IQGAP2: variants seen among roughly 807,000 people sequenced by gnomAD.
IQGAP2 encodes the protein ras GTPase-activating-like protein IQGAP2.
Under a neutral mutation model 201.3 loss-of-function variants are expected in IQGAP2, and 173 were observed. The observed-to-expected ratio is 0.86, with a 90% CI of 0.76 to 0.98. IQGAP2 has a LOEUF of 0.98. IQGAP2 is among the 50% of genes least tolerant of loss of function. The pLI is 0.00. For missense variants in IQGAP2, 1,687 were observed against 1,864.8 expected (o/e 0.90, Z 1.76); for synonymous variants, 675 against 673.9 (o/e 1.00, Z -0.03).
chr5:76,542,410 C>T (rs1313396119), intron 2 of IQGAP2, among the ~76,000 whole-genome samples: 1 of 152,224 alleles, frequency 6.6e-6, no homozygotes, highest in East Asian at 1.9e-4. Flanking sequence ...TTGCTTACAG[C>T]CCCCACCCAG....
intron 12 of IQGAP2, among the ~76,000 whole-genome samples, chr5:76,610,699 CATTT>C (rs1748321282): frequency 6.6e-6 from 1 of 152,040 alleles, no homozygotes; most frequent in South Asian, 2.1e-4. Context: ...TGGCTCTTTT[CATTT>C]ATTTGTCTTT....
intron 15 of IQGAP2, among the ~76,000 whole-genome samples, chr5:76,636,817 C>T (rs567214026): frequency 6.6e-6 from 1 of 152,322 alleles, no homozygotes; most frequent in East Asian, 1.9e-4. Context: ...CCAGAGCTAG[C>T]CTTAGATATT....
In IQGAP2 at chr5:76,654,189, A is replaced by G; in HGVS notation, c.2179-11A>G. 6.3e-7 allele frequency: 1 copy of G among 1,590,652 alleles called. No individual in the cohort carries two copies. The highest frequency in any genetic ancestry group is 1.7e-5 in the Admixed American group (1 of 58,142). ...TTTTGTTGTACTTTTCTATTTTTTA[A>G]AACCTTTCAGATTCAGTCCTGGTTC... On this transcript the variant is annotated splice_polypyrimidine_tract_variant and intron_variant, in intron 18 of 35. Transcript: ENST00000274364.
intron 30 of IQGAP2, among the ~76,000 whole-genome samples, chr5:76,689,888 T>A (rs1410888888): frequency 6.6e-6 from 1 of 152,146 alleles, no homozygotes; most frequent in Non-Finnish European, 1.5e-5. Context: ...CTACTGGTAA[T>A]AATAGATACC....
intron 22 of IQGAP2, among the ~76,000 whole-genome samples, chr5:76,665,378 G>A (rs1238078558): frequency 6.6e-6 from 1 of 152,202 alleles, no homozygotes; most frequent in Non-Finnish European, 1.5e-5. Flanking sequence ...GTGAGAGAAT[G>A]AGTACTGTTG....
intron 30 of IQGAP2, among the ~76,000 whole-genome samples, chr5:76,690,009 T>C (rs940307761): frequency 1.3e-5 from 2 of 152,124 alleles, no homozygotes; most frequent in Non-Finnish European, 2.9e-5. Flanking sequence ...AACTCCCTGG[T>C]GTATTTCTTT....
At chr5:76,671,436 C>G (rs1242548738) in intron 23 of IQGAP2, among the ~76,000 whole-genome samples, 1 of 151,934 alleles carries the variant, frequency 6.6e-6, no homozygotes, top group Non-Finnish European at 1.5e-5. Context: ...GTATTTCCAG[C>G]ACTTTGGGAG....
chr5:76,682,354 A>G (rs1745378082), intron 28 of IQGAP2, among the ~76,000 whole-genome samples: 1 of 152,136 alleles, frequency 6.6e-6, no homozygotes, highest in African/African-American at 2.4e-5. Context: ...CTAGTTCCGT[A>G]CTTTGGAAAT....
Position 76,496,710 on chromosome 5 carries a change from TTC to T in IQGAP2, c.146+35043_146+35044del, listed in dbSNP as rs1279917071. On this transcript the variant is annotated intron_variant, in intron 2 of 35. Coordinates refer to ENST00000274364, the MANE Select transcript of IQGAP2 (RefSeq NM_006633.5). ...TTTTTCTTTCTTTCTGTCTCTTTCT[TTC>T]TTTCTTTCTTTCTTTTCTTTCTTTC... Among the ~76,000 whole-genome samples, 3 of 16,104 alleles carry T rather than the reference TTC, an allele frequency of 1.9e-4. 1 individual carries two copies. The highest frequency in any genetic ancestry group is 1.7e-3 in the Admixed American group (2 of 1,176). The allele number at this position is 16,104 out of a possible 152,430, so 10.6% of individuals were successfully genotyped here.
At chr5:76,539,593 G>A (rs1167474650) in intron 2 of IQGAP2, among the ~76,000 whole-genome samples, 1 of 152,136 alleles carries the variant, frequency 6.6e-6, no homozygotes, top group East Asian at 1.9e-4. Context: ...CTACCTGGTT[G>A]GGGAAGCAGA....
intron 13 of IQGAP2, chr5:76,615,535 A>G (rs1048417185): frequency 6.6e-6 from 1 of 152,244 alleles, no homozygotes; most frequent in South Asian, 2.1e-4. Flanking sequence ...ATATACAGTC[A>G]AGGCAGATTC....
chr5:76,665,462 C>A (rs752813892), intron 22 of IQGAP2, among the ~76,000 whole-genome samples: 1 of 152,128 alleles, frequency 6.6e-6, no homozygotes, highest in Non-Finnish European at 1.5e-5. Flanking sequence ...GAAACGCAGG[C>A]AGTTTGACTT....
chr5:76,674,926 T>A (rs902019454), intron 27 of IQGAP2, among the ~76,000 whole-genome samples: 1 of 152,302 alleles, frequency 6.6e-6, no homozygotes, highest in East Asian at 1.9e-4. Flanking sequence ...AGCACTCCTA[T>A]TACACTGAGT....
At chr5:76,618,105 T>C (rs201822533) in intron 13 of IQGAP2, 3 of 1,613,976 alleles carry the variant, frequency 1.9e-6, no homozygotes, top group Non-Finnish European at 1.7e-6. Flanking sequence ...CAGGCCCCGG[T>C]AGGTGAAAGG....
chr5:76,426,810 T>C (rs953143975), intron 1 of IQGAP2, among the ~76,000 whole-genome samples: 1 of 152,122 alleles, frequency 6.6e-6, no homozygotes, highest in Non-Finnish European at 1.5e-5. Flanking sequence ...GGGGCCCTTC[T>C]TGATGAAAGG....
chr5:76,683,143 C>T lies in IQGAP2; in HGVS notation c.3689C>T (p.Ala1230Val), dbSNP rs941782319. The part of the protein sequence containing the change: ...SLLLEHQDAI[A>V]PEKNDLLSEL... ...CTGTTGGAACACCAGGATGCAATTG[C>T]CCCTGAGAAAAATGACTTACTGAGT... The change falls in exon 29 of 36, where the codon GCC (alanine) becomes GTC (valine). Residue 1230 changes from alanine (A) to valine (V), a missense_variant. Transcript: ENST00000274364. The T allele has an allele frequency of 9.3e-6, 15 of 1,611,164 alleles. No homozygotes were observed. Among genetic ancestry groups the T allele is most frequent in the Non-Finnish European group, 1.3e-5 (15 of 1,178,522 alleles).
intron 2 of IQGAP2, among the ~76,000 whole-genome samples, chr5:76,472,726 T>G (rs1213916834): frequency 1.3e-5 from 2 of 152,242 alleles, no homozygotes; most frequent in Admixed American, 1.3e-4. Flanking sequence ...GTATAACTTT[T>G]CAGAGTGCTG....
chr5:76,490,268 G>A (rs1756459800), intron 2 of IQGAP2, among the ~76,000 whole-genome samples: 1 of 152,096 alleles, frequency 6.6e-6, no homozygotes, highest in Admixed American at 6.5e-5. Context: ...GTCTACTCTA[G>A]GAGCTTGCAT....
At chr5:76,631,335 T>G (rs1435666114) in intron 14 of IQGAP2, among the ~76,000 whole-genome samples, 2 of 152,144 alleles carry the variant, frequency 1.3e-5, no homozygotes, top group Non-Finnish European at 2.9e-5. Flanking sequence ...GAATTAAGTT[T>G]TAGGACTCCG....
Sources: allele counts gnomAD v4.1 joint callset (sites outside exome capture counted in the v4.1 genomes callset), GRCh38; gene constraint gnomAD v4.1.1; transcripts MANE v1.5; gene names NCBI Gene and HGNC (gene_info 2026-07-23, HGNC 2026-07-21).